Variants in SLC30A9 observed in about 807,000 individuals in gnomAD.
SLC30A9 encodes solute carrier family 30 member 9, also known as proton-coupled zinc antiporter SLC30A9, mitochondrial.
SLC30A9 carries 58 observed loss-of-function variants against 87.5 expected under a neutral mutation model. The observed-to-expected ratio is 0.66, with a 90% CI of 0.54 to 0.82. The LOEUF (loss-of-function observed/expected upper bound fraction) is 0.82, where lower values mean the gene tolerates loss of function less well. Among genes scored for constraint, SLC30A9 ranks in the 40% least tolerant of loss-of-function variants. The probability of loss-of-function intolerance (pLI) is 0.00; values close to 1 mark genes in which losing one functional copy is unlikely to be tolerated. For missense variants in SLC30A9, 557 were observed against 679.1 expected (o/e 0.82, Z 2.00); for synonymous variants, 234 against 233.0 (o/e 1.00, Z -0.04).
At chr4:42,012,051 A>G (rs1203423800) in intron 2 of SLC30A9, among the ~76,000 whole-genome samples, 1 of 27,166 alleles carries the variant, frequency 3.7e-5, no homozygotes, top group African/African-American at 4.6e-5. Flanking sequence ...ATCAATATAT[A>G]AAGAGAGATG....
Position 42,039,049 on chromosome 4 carries a change from T to G in SLC30A9, c.733T>G (p.Cys245Gly). The G allele has an allele frequency of 6.2e-7, 1 of 1,605,660 alleles. No homozygotes were observed. Among genetic ancestry groups the G allele is most frequent in the Non-Finnish European group, 8.5e-7 (1 of 1,172,394 alleles). ...AGGAAAAGTGGTGATGGTTGCAATT[T>G]GCATGTAAGTACTGAAAAATAAGCT... ...GPGKVVMVAI[C>G]INGLNCFFKF... Residue 245 changes from cysteine (C) to glycine (G), a missense_variant, in exon 8 of 18, where the codon TGC becomes GGC. By Grantham distance (159) the Cys-to-Gly change is radical. Around this residue, in one of 2 missense-constraint regions of SLC30A9, gnomAD observed 467 missense variants for 529.8 expected, o/e 0.88. Transcript: ENST00000264451.
rs1004840024 is a variant in SLC30A9, at chr4:42,089,839, A to C, written c.*3713A>C. ...ACGGAAAAATTTTCAAATTTTTTCA[A>C]AAGCAAAGGTAATCCCTGCATACAT... On this transcript the variant is annotated 3_prime_UTR_variant, in exon 18 of 18. Coordinates refer to ENST00000264451, the MANE Select transcript of SLC30A9 (RefSeq NM_006345.4). 1 of 152,228 alleles carries C rather than the reference A, an allele frequency of 6.6e-6. No individual in the cohort carries two copies. The highest frequency in any genetic ancestry group is 1.5e-5 in the Non-Finnish European group (1 of 68,050). The allele number at this position is 152,228 out of a possible 1,614,324, so 9.4% of individuals were successfully genotyped here.
intron 1 of SLC30A9, among the ~76,000 whole-genome samples, chr4:41,997,108 T>G (rs1714752841): frequency 6.6e-6 from 1 of 151,242 alleles, no homozygotes; most frequent in Admixed American, 6.6e-5. Flanking sequence ...TAGAGAGGTA[T>G]GTCAAGATGC....
At chr4:42,020,796 A>T (rs1715915119) in intron 4 of SLC30A9, 1 of 264,552 alleles carries the variant, frequency 3.8e-6, no homozygotes, top group South Asian at 9.6e-5. Flanking sequence ...TTAGGAGTTA[A>T]ATTGTTAAGT....
intron 6 of SLC30A9, among the ~76,000 whole-genome samples, chr4:42,028,735 G>T (rs973326322): frequency 6.6e-6 from 1 of 152,144 alleles, no homozygotes; most frequent in Admixed American, 6.5e-5. Flanking sequence ...TGATAATCCT[G>T]ACTTGTCCTT....
chr4:42,033,830 C>G (rs954338675), intron 6 of SLC30A9, among the ~76,000 whole-genome samples: 1 of 152,172 alleles, frequency 6.6e-6, no homozygotes, highest in African/African-American at 2.4e-5. Context: ...CCGCCTTGGC[C>G]TCCCAAAGTG....
At chr4:42,031,173 G>C (rs1034493458) in intron 6 of SLC30A9, among the ~76,000 whole-genome samples, 1 of 151,928 alleles carries the variant, frequency 6.6e-6, no homozygotes, top group African/African-American at 2.4e-5. Context: ...ACTATGCAAA[G>C]TCCATGTTCT....
rs1448160425 is a variant in SLC30A9, at chr4:42,023,338, CAG to C, written c.570_571del (p.Lys192IlefsTer3). 25 of 1,613,454 alleles carry C rather than the reference CAG, an allele frequency of 1.5e-5. No homozygotes were observed. The highest frequency in any genetic ancestry group is 2.1e-5 in the Non-Finnish European group (25 of 1,179,528). On this transcript the variant is annotated frameshift_variant, in exon 6 of 18. Transcript: ENST00000264451. LOFTEE classifies it high-confidence loss of function. ...EVWGSPEALA[R>X]EKKLRKEAEI... ...TTTGGGGAAGCCCTGAAGCTCTTGC[CAG>C]AGAGAAAAAATTGCGTAAGGAAGCA...
At chr4:41,993,852 T>A (rs932594188) in intron 1 of SLC30A9, among the ~76,000 whole-genome samples, 1 of 152,140 alleles carries the variant, frequency 6.6e-6, no homozygotes, top group African/African-American at 2.4e-5. Context: ...ATACAACCAT[T>A]TTTTTAAAAA....
At chr4:42,046,478 A>G (rs1044367396) in intron 8 of SLC30A9, among the ~76,000 whole-genome samples, 13 of 152,230 alleles carry the variant, frequency 8.5e-5, no homozygotes, top group African/African-American at 3.1e-4. Flanking sequence ...ACTCCCATTC[A>G]CAGTTGCTAC....
At chr4:42,005,272 T>C (rs1715154047) in intron 2 of SLC30A9, among the ~76,000 whole-genome samples, 1 of 152,300 alleles carries the variant, frequency 6.6e-6, no homozygotes, top group East Asian at 1.9e-4. Flanking sequence ...GGGTTTGTTT[T>C]TGCTTTTGTG....
chr4:42,041,775 C>T lies in SLC30A9; in HGVS notation c.737+2722C>T, dbSNP rs117741021. Reference sequence around the variant, plus strand: ...AGCTAGGGGGTGGCGGGCAAGATGGCTGGATAGGAACAGATCCTGTCTGCA... The same window carrying T: ...AGCTAGGGGGTGGCGGGCAAGATGGTTGGATAGGAACAGATCCTGTCTGCA... On this transcript the variant is annotated intron_variant, in intron 8 of 17. Transcript: ENST00000264451. Among the ~76,000 whole-genome samples the T allele has an allele frequency of 2.3e-3, 350 of 152,260 alleles. 6 individuals carry two copies. In the East Asian group the frequency reaches 0.048, roughly 21 times the overall value.
intron 6 of SLC30A9, among the ~76,000 whole-genome samples, chr4:42,034,889 C>T (rs1716615044): frequency 6.6e-6 from 1 of 152,120 alleles, no homozygotes; most frequent in Non-Finnish European, 1.5e-5. Flanking sequence ...TTTTACATTC[C>T]TACCATCAGT....
At chr4:42,082,045 G>A (rs774559207) in intron 17 of SLC30A9, among the ~76,000 whole-genome samples, 21 of 151,716 alleles carry the variant, frequency 1.4e-4, no homozygotes, top group African/African-American at 9.7e-5. Context: ...ACGAAACCCC[G>A]TCTCTACTAA....
intron 2 of SLC30A9, among the ~76,000 whole-genome samples, chr4:42,008,135 GA>G (rs1418807455): frequency 6.6e-6 from 1 of 152,194 alleles, no homozygotes; most frequent in Non-Finnish European, 1.5e-5. Flanking sequence ...TTGGTTCGGA[GA>G]AAATGGCAAG....
intron 6 of SLC30A9, among the ~76,000 whole-genome samples, chr4:42,024,420 T>C (rs1233238283): frequency 2.6e-5 from 4 of 152,254 alleles, no homozygotes; most frequent in Non-Finnish European, 5.9e-5. Context: ...TATAGAAATC[T>C]ACCTCATTCT....
At chr4:42,032,339 C>T (rs757785264) in intron 6 of SLC30A9, among the ~76,000 whole-genome samples, 6 of 152,062 alleles carry the variant, frequency 3.9e-5, no homozygotes, top group Non-Finnish European at 5.9e-5. Flanking sequence ...TCAATGGTTT[C>T]GTTAGGATTC....
intron 6 of SLC30A9, among the ~76,000 whole-genome samples, chr4:42,024,794 T>C (rs941302664): frequency 6.6e-5 from 10 of 152,350 alleles, no homozygotes; most frequent in African/African-American, 2.4e-4. Context: ...TAATTTTGAA[T>C]ATCTCTGACT....
At chr4:42,080,433 G>T (rs1718708268) in intron 17 of SLC30A9, among the ~76,000 whole-genome samples, 1 of 152,214 alleles carries the variant, frequency 6.6e-6, no homozygotes, top group South Asian at 2.1e-4. Context: ...TTCCAAACAT[G>T]AAGTTTCAGT....
Sources: gnomAD v4.1 joint callset for allele counts (sites outside exome capture counted in the v4.1 genomes callset) on GRCh38, gnomAD v4.1.1 for gene constraint, gnomAD v4.1.1 regional missense constraint, MANE v1.5 for transcripts, NCBI Gene and HGNC (gene_info 2026-07-23, HGNC 2026-07-21) for gene names.